TDRD7: variants seen among roughly 807,000 people sequenced by gnomAD.
TDRD7 encodes the protein tudor domain-containing protein 7.
Under a neutral mutation model 109.8 loss-of-function variants are expected in TDRD7, and 47 were observed. The ratio of observed to expected loss-of-function variants is 0.43; its 90% CI spans 0.34 to 0.55. The LOEUF is 0.55. Ranked by LOEUF, TDRD7 falls within the 20% of genes least tolerant of loss-of-function variation. The pLI, the probability that TDRD7 is intolerant of heterozygous loss-of-function variation, is 0.03. For missense variants in TDRD7, 1,164 were observed against 1,319.2 expected, an observed-to-expected ratio of 0.88 and a Z score of 1.82; for synonymous variants, 424 against 457.3, an observed-to-expected ratio of 0.93 and a Z score of 0.93.
rs117868608 is a variant in TDRD7, at chr9:97,485,715, A to G, written c.2916-1457A>G. Among the ~76,000 whole-genome samples the G allele has an allele frequency of 6.7e-4, 102 of 152,346 alleles. 2 individuals are homozygous for G. In the East Asian group the frequency reaches 0.016, roughly 24 times the overall value. The stretch of plus-strand genomic sequence containing the variant: ...CCAAGTGCCTATTATTAGCCAAGTA[A>G]TGTCCCAGGCACTTTCCATGTATTA... On this transcript the variant is annotated intron_variant, in intron 15 of 16. Coordinates refer to ENST00000355295, the MANE Select transcript of TDRD7 (RefSeq NM_014290.3).
intron 16 of TDRD7, among the ~76,000 whole-genome samples, chr9:97,495,379 G>A (rs1313565298): frequency 6.6e-6 from 1 of 151,968 alleles, no homozygotes; most frequent in Middle Eastern, 3.2e-3. Context: ...TACTTTATGG[G>A]GGTTGTACAG....
intron 14 of TDRD7, among the ~76,000 whole-genome samples, chr9:97,482,235 G>A (rs889928702): frequency 6.6e-6 from 1 of 152,284 alleles, no homozygotes; most frequent in East Asian, 1.9e-4. Context: ...TGTGGAGCTT[G>A]CTTCCTCTTT....
chr9:97,454,787 C>A (rs1381700398), intron 6 of TDRD7, among the ~76,000 whole-genome samples: 1 of 151,960 alleles, frequency 6.6e-6, no homozygotes, highest in African/African-American at 2.4e-5. Context: ...AAAGCAAGAG[C>A]AAACTAATTC....
chr9:97,470,518 G>A (rs1414947571), intron 8 of TDRD7, 40 bp from the exon 9 acceptor site: 3 of 1,546,332 alleles, frequency 1.9e-6, no homozygotes, highest in Non-Finnish European at 2.7e-6. Flanking sequence ...TTTTTAAAGA[G>A]AGGATAAAGA....
intron 7 of TDRD7, 69 bp downstream of exon 7, chr9:97,460,833 T>A: frequency 7.1e-7 from 1 of 1,413,110 alleles, no homozygotes; most frequent in South Asian, 1.2e-5. Context: ...TTCACATGGA[T>A]GTTGAGGGTT....
intron 5 of TDRD7, among the ~76,000 whole-genome samples, chr9:97,440,521 A>G (rs142632221): frequency 6.8e-4 from 103 of 152,314 alleles, no homozygotes; most frequent in African/African-American, 2.3e-3. Context: ...TAAATTAGCT[A>G]TACCCTTAAT....
chr9:97,483,372 T>C (rs1348840209), intron 15 of TDRD7, 21 bp downstream of exon 15: 1 of 1,611,686 alleles, frequency 6.2e-7, no homozygotes, highest in African/African-American at 1.3e-5. Context: ...GGACAAAGCA[T>C]TTTATTCTAC....
At chr9:97,422,764 C>CT (rs1171540751) in intron 1 of TDRD7, among the ~76,000 whole-genome samples, 4 of 152,050 alleles carry the variant, frequency 2.6e-5, no homozygotes, top group African/African-American at 9.7e-5. Context: ...TGTCAGCTGT[C>CT]TTTTTTTCAC....
At chr9:97,451,864 C>T (rs1354848472) in intron 6 of TDRD7, among the ~76,000 whole-genome samples, 2 of 149,748 alleles carry the variant, frequency 1.3e-5, no homozygotes. Flanking sequence ...AATTGATTGA[C>T]TGAAGTGGGG....
At chr9:97,448,932 G>A (rs1828444108) in intron 6 of TDRD7, among the ~76,000 whole-genome samples, 1 of 152,142 alleles carries the variant, frequency 6.6e-6, no homozygotes, top group African/African-American at 2.4e-5. Flanking sequence ...TACCTCAGAG[G>A]CCCATGCTAA....
chr9:97,479,284 T>C (rs1428479183), intron 13 of TDRD7, among the ~76,000 whole-genome samples: 1 of 152,228 alleles, frequency 6.6e-6, no homozygotes, highest in African/African-American at 2.4e-5. Context: ...CCCATCACCA[T>C]TGCTTTTTCT....
chr9:97,481,992 G>A (rs1489196392), intron 14 of TDRD7, among the ~76,000 whole-genome samples: 1 of 152,068 alleles, frequency 6.6e-6, no homozygotes, highest in Non-Finnish European at 1.5e-5. Flanking sequence ...GCCCTATTTG[G>A]TAAAAGATAA....
In TDRD7 at chr9:97,480,781, G is replaced by A. The variant is rs369620387; in HGVS notation, c.2302-47G>A. 2.8e-6 allele frequency: 4 copies of A among 1,411,478 alleles called. No homozygotes were observed. In the African/African-American group the frequency reaches 5.7e-5, roughly 20 times the overall value. 87.4% of individuals were successfully genotyped at this position (1,411,478 alleles called of 1,614,324 possible). A position where few individuals can be genotyped will look rare whatever the true frequency, so the allele number is the denominator to read the frequency against. On this transcript the variant is annotated intron_variant, in intron 13 of 16. Transcript: ENST00000355295. ...TAATATTAACATTACTCATAACTAG[G>A]TATTTTAACATGGTGTGTTCACTTT... is the stretch of plus-strand genomic sequence containing the variant.
At chr9:97,494,923 C>T (rs116989414) in intron 16 of TDRD7, among the ~76,000 whole-genome samples, 2,637 of 152,088 alleles carry the variant, frequency 0.017, 35 homozygotes, top group Middle Eastern at 0.048. Flanking sequence ...GTTGCCCAGG[C>T]TGGTCTCGAA....
At chr9:97,424,901 A>T (rs1242461334) in intron 1 of TDRD7, among the ~76,000 whole-genome samples, 2 of 150,508 alleles carry the variant, frequency 1.3e-5, no homozygotes, top group African/African-American at 4.9e-5. Context: ...TTGCATAGGT[A>T]TTGTCTTATT....
At chr9:97,453,884 G>A (rs182044679) in intron 6 of TDRD7, among the ~76,000 whole-genome samples, 139 of 152,202 alleles carry the variant, frequency 9.1e-4, no homozygotes, top group African/African-American at 2.8e-3. Flanking sequence ...ATACAAGAGC[G>A]CGCAGATTCA....
intron 6 of TDRD7, among the ~76,000 whole-genome samples, chr9:97,447,446 G>T (rs1828421665): frequency 6.6e-6 from 1 of 152,190 alleles, no homozygotes; most frequent in African/African-American, 2.4e-5. Flanking sequence ...GACAACTGCT[G>T]TTAATTTTTG....
intron 16 of TDRD7, among the ~76,000 whole-genome samples, chr9:97,494,682 GTA>G (rs1261612746): frequency 2.1e-5 from 3 of 144,590 alleles, no homozygotes; most frequent in Non-Finnish European, 4.5e-5. Context: ...CTTGAAATAT[GTA>G]TATATATATG....
At chr9:97,416,901 G>A (rs1827821300) in intron 1 of TDRD7, among the ~76,000 whole-genome samples, 1 of 152,038 alleles carries the variant, frequency 6.6e-6, no homozygotes, top group African/African-American at 2.4e-5. Context: ...TGCTTTCATG[G>A]AGCTTGCATT....
Sources: allele counts gnomAD v4.1 joint callset (sites outside exome capture counted in the v4.1 genomes callset), GRCh38; gene constraint gnomAD v4.1.1; transcripts MANE v1.5; gene names NCBI Gene and HGNC (gene_info 2026-07-23, HGNC 2026-07-21).